NRG3: variants seen among roughly 807,000 people sequenced by gnomAD.
NRG3 encodes the protein neuregulin 3, also known as pro-neuregulin-3, membrane-bound isoform.
Under a neutral mutation model 66.9 loss-of-function variants are expected in NRG3, and 31 were observed. That is an observed-to-expected ratio of 0.46 (90% CI 0.35 to 0.63). The LOEUF (loss-of-function observed/expected upper bound fraction) is 0.63, where lower values mean the gene tolerates loss of function less well. Among genes scored for constraint, NRG3 ranks in the 20% least tolerant of loss-of-function variants. The pLI, the probability that NRG3 is intolerant of heterozygous loss-of-function variation, is 0.00. For synonymous variants in NRG3, 393 were observed against 359.4 expected (o/e 1.09, Z -1.06); for missense variants, 910 against 878.9 (o/e 1.04, Z -0.45).
chr10:82,100,897 C>T (rs1405971988), intron 1 of NRG3, among the ~76,000 whole-genome samples: 1 of 151,838 alleles, frequency 6.6e-6, no homozygotes, highest in African/African-American at 2.4e-5. Flanking sequence ...TGAGAAGTGT[C>T]TTAGAAGAGA....
intron 1 of NRG3, among the ~76,000 whole-genome samples, chr10:81,888,879 A>G (rs926662716): frequency 6.6e-6 from 1 of 152,200 alleles, no homozygotes; most frequent in African/African-American, 2.4e-5. Flanking sequence ...AGGAATGAGC[A>G]GCGAATTTTA....
intron 2 of NRG3, among the ~76,000 whole-genome samples, chr10:82,692,702 C>G (rs747661776): frequency 4.6e-5 from 7 of 152,192 alleles, no homozygotes; most frequent in Admixed American, 1.3e-4. Flanking sequence ...TGTGGGCATG[C>G]CCAGGCAAGC....
chr10:81,894,555 G>A (rs574461243), intron 1 of NRG3, among the ~76,000 whole-genome samples: 1 of 152,184 alleles, frequency 6.6e-6, no homozygotes, highest in South Asian at 2.1e-4. Flanking sequence ...AGGCACTAGA[G>A]TTTACGGCCT....
At chr10:82,774,691 T>G (rs1007083023) in intron 3 of NRG3, among the ~76,000 whole-genome samples, 12 of 151,902 alleles carry the variant, frequency 7.9e-5, no homozygotes. Flanking sequence ...AGATGTTTTT[T>G]GATTTTGTTT....
intron 2 of NRG3, among the ~76,000 whole-genome samples, chr10:82,389,106 C>T (rs4035093): frequency 0.19 from 28,155 of 152,036 alleles, 3,766 homozygotes; most frequent in African/African-American, 0.38. Flanking sequence ...CATTCACCCC[C>T]CTAACCACAA....
At chr10:82,660,196 C>CAAAAAAAAAAAAAAA (rs58870828) in intron 2 of NRG3, among the ~76,000 whole-genome samples, 5 of 19,562 alleles carry the variant, frequency 2.6e-4, no homozygotes, top group Non-Finnish European at 3.9e-4. Flanking sequence ...AACTCCCTCT[C>CAAAAAAAAAAAAAAA]AAAAAAAAAA....
chr10:81,989,630 G>T (rs1185046295), intron 1 of NRG3, among the ~76,000 whole-genome samples: 1 of 152,124 alleles, frequency 6.6e-6, no homozygotes, highest in African/African-American at 2.4e-5. Context: ...TGACAAAACT[G>T]GTTTCATTGG....
At chr10:82,338,610 G>T (rs549417611) in intron 1 of NRG3, among the ~76,000 whole-genome samples, 1 of 152,182 alleles carries the variant, frequency 6.6e-6, no homozygotes, top group African/African-American at 2.4e-5. Context: ...ACTTTAATTG[G>T]CATCATACAG....
intron 1 of NRG3, among the ~76,000 whole-genome samples, chr10:82,195,739 C>T (rs985411787): frequency 6.6e-6 from 1 of 152,090 alleles, no homozygotes; most frequent in African/African-American, 2.4e-5. Flanking sequence ...GATTATCCTG[C>T]ACTACCTGGG....
intron 1 of NRG3, among the ~76,000 whole-genome samples, chr10:82,254,809 A>T (rs2077639713): frequency 6.6e-6 from 1 of 152,196 alleles, no homozygotes. Flanking sequence ...TTATAACTGA[A>T]AGTATAAGAC....
chr10:82,699,508 T>C (rs2055678357), intron 2 of NRG3, among the ~76,000 whole-genome samples: 1 of 152,142 alleles, frequency 6.6e-6, no homozygotes, highest in Non-Finnish European at 1.5e-5. Context: ...ATTGTCAAGC[T>C]AGCCTTAAGA....
intron 2 of NRG3, among the ~76,000 whole-genome samples, chr10:82,693,942 C>T (rs1221156915): frequency 1.3e-5 from 2 of 152,198 alleles, no homozygotes; most frequent in African/African-American, 4.8e-5. Context: ...CTTATTTGGC[C>T]CCGCCCATGT....
At chr10:82,814,902 C>T (rs2061641324) in intron 3 of NRG3, among the ~76,000 whole-genome samples, 1 of 152,146 alleles carries the variant, frequency 6.6e-6, no homozygotes, top group African/African-American at 2.4e-5. Context: ...CCACCTGAGA[C>T]TGTATCCATT....
At chr10:82,079,825 G>A (rs2065291820) in intron 1 of NRG3, among the ~76,000 whole-genome samples, 1 of 152,070 alleles carries the variant, frequency 6.6e-6, no homozygotes, top group African/African-American at 2.4e-5. Context: ...TCTGTTGCCT[G>A]GATGTACCAC....
intron 1 of NRG3, among the ~76,000 whole-genome samples, chr10:81,941,663 A>G (rs1034423306): frequency 6.6e-6 from 1 of 152,100 alleles, no homozygotes; most frequent in Non-Finnish European, 1.5e-5. Flanking sequence ...ATTAGAAGTG[A>G]GTTATGGCCC....
At chr10:82,351,549 G>T (rs1478997074) in intron 1 of NRG3, among the ~76,000 whole-genome samples, 1 of 152,072 alleles carries the variant, frequency 6.6e-6, no homozygotes, top group Non-Finnish European at 1.5e-5. Context: ...GCATGAAAAG[G>T]GCCCCACCAG....
chr10:82,459,840 G>T lies in NRG3; in HGVS notation c.953+100972G>T, dbSNP rs370456484. Reference sequence around the variant, plus strand: ...TACCCCAAATTGTTGAGCCCCCTTGGTTCCAGTCAGAATATTTTTCAAGAA... The same window carrying T: ...TACCCCAAATTGTTGAGCCCCCTTGTTTCCAGTCAGAATATTTTTCAAGAA... On this transcript the variant is annotated intron_variant, in intron 2 of 8. Coordinates refer to ENST00000372141, the MANE Select transcript of NRG3 (RefSeq NM_001010848.4). 4.6e-5 allele frequency among the ~76,000 whole-genome samples: 7 copies of T among 152,294 alleles called. No homozygotes were observed. The East Asian group carries it at 1.3e-3, about 29-fold the overall frequency.
intron 2 of NRG3, among the ~76,000 whole-genome samples, chr10:82,698,722 C>G (rs963965492): frequency 6.6e-6 from 1 of 152,088 alleles, no homozygotes; most frequent in Non-Finnish European, 1.5e-5. Flanking sequence ...ATATAAATAT[C>G]TAGCCCACAG....
At chr10:82,279,448 A>G (rs2079022497) in intron 1 of NRG3, among the ~76,000 whole-genome samples, 1 of 152,206 alleles carries the variant, frequency 6.6e-6, no homozygotes, top group African/African-American at 2.4e-5. Context: ...AAAGGCATTT[A>G]TCTAAATAAT....
Sources: gnomAD v4.1 joint callset for allele counts (sites outside exome capture counted in the v4.1 genomes callset) on GRCh38, gnomAD v4.1.1 for gene constraint, MANE v1.5 for transcripts, NCBI Gene and HGNC (gene_info 2026-07-23, HGNC 2026-07-21) for gene names.